KLB: variants seen among roughly 807,000 people sequenced by gnomAD.
KLB encodes klotho beta.
Under a neutral mutation model 88.4 loss-of-function variants are expected in KLB, and 44 were observed. The ratio of observed to expected loss-of-function variants is 0.50; its 90% CI spans 0.39 to 0.64. The LOEUF (loss-of-function observed/expected upper bound fraction) is 0.64. Ranked by LOEUF, KLB falls within the 30% of genes least tolerant of loss-of-function variation. KLB has a pLI of 0.00. For synonymous variants in KLB, 548 were observed against 513.4 expected, an observed-to-expected ratio of 1.07 and a Z score of -0.91; for missense variants, 1,137 against 1,304.8, an observed-to-expected ratio of 0.87 and a Z score of 1.98.
intron 3 of KLB, among the ~76,000 whole-genome samples, chr4:39,441,131 C>T (rs1049438347): frequency 1.3e-5 from 2 of 152,176 alleles, no homozygotes; most frequent in African/African-American, 4.8e-5. Flanking sequence ...GCTGGGATTA[C>T]AGGTGTGAGG....
At position 39,447,296 on chromosome 4, in the gene KLB, G is replaced by A; in HGVS notation, c.2570G>A (p.Ser857Asn). The change falls in exon 4 of 5, where the codon AGC becomes AAC. Residue 857 changes from serine (S) to asparagine (N), a missense_variant. Transcript: ENST00000257408. ...IQFLQDITRL[S>N]SPTRLAVIPW... ...TTTCTGCAGGACATCACCCGCCTGA[G>A]CTCCCCCACGCGCCTGGCTGTGATT... 2.5e-6 allele frequency: 4 copies of A among 1,614,092 alleles called. No homozygotes were observed. Among genetic ancestry groups the A allele is most frequent in the Non-Finnish European group, 3.4e-6 (4 of 1,179,992 alleles).
intron 1 of KLB, among the ~76,000 whole-genome samples, chr4:39,427,348 T>C (rs919707588): frequency 6.6e-6 from 1 of 152,020 alleles, no homozygotes; most frequent in Admixed American, 6.5e-5. Context: ...CTGGGCGTGG[T>C]GGCAGGTACC....
chr4:39,431,369 G>A (rs959660726), intron 1 of KLB, among the ~76,000 whole-genome samples: 3 of 152,106 alleles, frequency 2.0e-5, no homozygotes, highest in African/African-American at 4.8e-5. Context: ...CTCCTGCCTC[G>A]GCCTTCCGAG....
At chr4:39,430,593 A>ATTTTTT (rs373054180) in intron 1 of KLB, among the ~76,000 whole-genome samples, 7 of 87,678 alleles carry the variant, frequency 8.0e-5, no homozygotes, top group African/African-American at 1.6e-4. Context: ...CTGAGAGGAA[A>ATTTTTT]TTTTTTTTTT....
chr4:39,422,864 T>C (rs978365199), intron 1 of KLB, among the ~76,000 whole-genome samples: 3 of 151,804 alleles, frequency 2.0e-5, no homozygotes, highest in African/African-American at 7.3e-5. Context: ...TGGGTTCAAG[T>C]GATTCTCCTG....
intron 1 of KLB, among the ~76,000 whole-genome samples, chr4:39,417,965 C>T (rs1578202657): frequency 6.6e-6 from 1 of 152,064 alleles, no homozygotes; most frequent in East Asian, 1.9e-4. Context: ...AATCAGCTGC[C>T]CCGCTTCAAT....
chr4:39,448,376 T>G lies in KLB; in HGVS notation c.2825T>G (p.Phe942Cys), dbSNP rs748861023. 2 of 1,613,144 alleles carry G rather than the reference T, an allele frequency of 1.2e-6. No homozygotes were observed. Among genetic ancestry groups the G allele is most frequent in the South Asian group, 1.1e-5 (1 of 91,060 alleles). The change falls in exon 5 of 5, where the codon TTT becomes TGT. Residue 942 changes from phenylalanine to cysteine, a missense_variant. This residue lies in a region of KLB where 426 missense variants were observed against 404.6 expected (regional missense o/e 1.05). Transcript: ENST00000257408. ...GCTGAAGAGAAATCTAAACCCAGAT[T>G]TGGATTCTTCACATCTGATTTTAAA... The part of the protein sequence containing the change: ...KLAEEKSKPR[F>C]GFFTSDFKAK...
chr4:39,447,438 G>C lies in KLB; in HGVS notation c.2712G>C (p.Lys904Asn). Residue 904 changes from lysine to asparagine, a missense_variant, in exon 4 of 5, where the codon AAG becomes AAC. Coordinates refer to ENST00000257408, the MANE Select transcript of KLB (RefSeq NM_175737.4). ...DQALEDDRLR[K>N]YYLGKYLQEV... is the part of the protein sequence containing the mutation. The stretch of plus-strand genomic sequence containing the variant: ...CTCTGGAGGATGACCGGCTCCGGAA[G>C]TACTACCTAGGGAAGTACCTTCAGG... 4.4e-6 allele frequency: 7 copies of C among 1,607,638 alleles called. No individual in the cohort carries two copies. The highest frequency in any genetic ancestry group is 5.9e-6 in the Non-Finnish European group (7 of 1,176,832).
chr4:39,448,842 T>A lies in KLB; in HGVS notation c.*156T>A. On this transcript the variant is annotated 3_prime_UTR_variant, in exon 5 of 5. Coordinates refer to ENST00000257408, the MANE Select transcript of KLB (RefSeq NM_175737.4). ...TCTCTGCTGTGTGGTTCAAAGAACA[T>A]TCCCTTAGGTGTTGACATCAGTGAA... 1.4e-6 allele frequency: 1 copy of A among 692,356 alleles called. No homozygotes were observed. Among genetic ancestry groups the A allele is most frequent in the Non-Finnish European group, 2.4e-6 (1 of 421,120 alleles). The allele number at this position is 692,356 out of a possible 1,614,324, so 42.9% of individuals were successfully genotyped here.
In KLB at chr4:39,407,675, A is replaced by G; in HGVS notation, c.726A>G (p.Pro242=). ...RVKYWITIHN[P]YLVAWHGYGT... The stretch of plus-strand genomic sequence containing the variant: ...AATATTGGATTACAATTCACAACCC[A>G]TATCTAGTGGCTTGGCATGGGTATG... The change falls in exon 1 of 5, where the codon CCA becomes CCG. Residue 242 remains proline (P), a synonymous_variant. Coordinates refer to ENST00000257408, the MANE Select transcript of KLB (RefSeq NM_175737.4). The G allele has an allele frequency of 6.2e-7, 1 of 1,614,154 alleles. No individual in the cohort carries two copies. The highest frequency in any genetic ancestry group is 8.5e-7 in the Non-Finnish European group (1 of 1,179,994).
At chr4:39,432,997 A>G (rs559834624) in intron 1 of KLB, among the ~76,000 whole-genome samples, 25 of 151,890 alleles carry the variant, frequency 1.6e-4, no homozygotes, top group African/African-American at 5.8e-4. Flanking sequence ...ATCCTGCCTC[A>G]GCCTCCCAAG....
Position 39,416,403 on chromosome 4 carries a change from TA to T in KLB, c.825+8637del, listed in dbSNP as rs201635100. On this transcript the variant is annotated intron_variant, in intron 1 of 4. Coordinates refer to ENST00000257408, the MANE Select transcript of KLB (RefSeq NM_175737.4). ...TAAAAGACTTTTTCCAACAAGAAAC[TA>T]AAAAAAACTTTTTTTAAATCTTCAT... Among the ~76,000 whole-genome samples, 626 of 152,112 alleles carry T rather than the reference TA, an allele frequency of 4.1e-3. 3 individuals carry two copies. The highest frequency in any genetic ancestry group is 0.014 in the African/African-American group (596 of 41,498).
chr4:39,435,147 C>T (rs1307807695), intron 2 of KLB, among the ~76,000 whole-genome samples: 1 of 147,606 alleles, frequency 6.8e-6, no homozygotes, highest in Non-Finnish European at 1.5e-5. Flanking sequence ...TTAAATGGAG[C>T]CACTCTGTGG....
chr4:39,432,437 T>C (rs1743384737), intron 1 of KLB, among the ~76,000 whole-genome samples: 2 of 152,196 alleles, frequency 1.3e-5, no homozygotes, highest in South Asian at 4.1e-4. Flanking sequence ...GAAGTGGCCT[T>C]GGCATTTAAG....
intron 1 of KLB, among the ~76,000 whole-genome samples, chr4:39,430,775 A>AT (rs891051581): frequency 6.7e-5 from 10 of 148,468 alleles, no homozygotes; most frequent in East Asian, 4.0e-4. Context: ...TAATTTTTAT[A>AT]TTTTTTTTTA....
At position 39,411,843 on chromosome 4, in the gene KLB, T is replaced by C. The variant is rs372578253; in HGVS notation, c.825+4069T>C. 3 of 151,950 alleles carry C rather than the reference T, an allele frequency of 2.0e-5. 1 individual carries two copies. The allele number at this position is 151,950 out of a possible 1,614,324, so 9.4% of individuals were successfully genotyped here. A position where few individuals can be genotyped will look rare whatever the true frequency, so the allele number is the denominator to read the frequency against. On this transcript the variant is annotated intron_variant, in intron 1 of 4. Transcript: ENST00000257408. ...CTCTATTTAAAGAAAAAAGAAATAA[T>C]ATCTATGTATTCTAAGTGAAGTAAC...
intron 1 of KLB, among the ~76,000 whole-genome samples, chr4:39,409,821 G>C (rs1578199301): frequency 1.3e-5 from 2 of 151,884 alleles, no homozygotes; most frequent in Admixed American, 6.6e-5. Context: ...TTACTCGGGA[G>C]GCTGAGGCAG....
intron 1 of KLB, among the ~76,000 whole-genome samples, chr4:39,411,401 G>T (rs1485812482): frequency 1.5e-5 from 2 of 137,618 alleles, no homozygotes; most frequent in East Asian, 4.4e-4. Context: ...GTGCAGTGGC[G>T]CTATCTCGGC....
intron 1 of KLB, among the ~76,000 whole-genome samples, chr4:39,427,926 G>A (rs1465849851): frequency 6.6e-6 from 1 of 152,162 alleles, no homozygotes; most frequent in Non-Finnish European, 1.5e-5. Flanking sequence ...AGTCAGCAGA[G>A]CTAATACAAG....
Sources: gnomAD v4.1 joint callset for allele counts (sites outside exome capture counted in the v4.1 genomes callset) on GRCh38, gnomAD v4.1.1 for gene constraint, gnomAD v4.1.1 regional missense constraint, MANE v1.5 for transcripts, NCBI Gene and HGNC (gene_info 2026-07-23, HGNC 2026-07-21) for gene names.